The following MSRA variants were observed in gnomAD, a reference collection of about 807,000 sequenced individuals.
MSRA encodes mitochondrial peptide methionine sulfoxide reductase.
MSRA carries 54 observed loss-of-function variants against 31.3 expected under a neutral mutation model. The ratio of observed to expected loss-of-function variants is 1.73; its 90% confidence interval spans 1.39 to 2.17. MSRA has a LOEUF of 2.17. Ranked by LOEUF, MSRA falls within the 30% of genes most tolerant of loss-of-function variation. The pLI, the probability that MSRA is intolerant of heterozygous loss-of-function variation, is 0.00. For missense variants in MSRA, 507 were observed against 300.9 expected (o/e 1.69, Z -5.07); for synonymous variants, 169 against 116.5 (o/e 1.45, Z -2.90).
At chr8:10,413,639 A>G (rs1585723967) in intron 5 of MSRA, among the ~76,000 whole-genome samples, 1 of 147,524 alleles carries the variant, frequency 6.8e-6, no homozygotes, top group South Asian at 2.2e-4. Flanking sequence ...CAAATAAAGA[A>G]TATCAGTAAG....
At chr8:10,143,656 C>G (rs1403018296) in intron 1 of MSRA, among the ~76,000 whole-genome samples, 1 of 152,106 alleles carries the variant, frequency 6.6e-6, no homozygotes, top group Non-Finnish European at 1.5e-5. Context: ...GCAAGGAAAT[C>G]AGGGCTCCTT....
At chr8:10,407,281 C>A (rs1244667557) in intron 5 of MSRA, among the ~76,000 whole-genome samples, 1 of 152,220 alleles carries the variant, frequency 6.6e-6, no homozygotes, top group East Asian at 1.9e-4. Context: ...CACCATCAGA[C>A]TTTCATCAGC....
At chr8:10,137,627 T>G (rs1345928978) in intron 1 of MSRA, among the ~76,000 whole-genome samples, 1 of 152,062 alleles carries the variant, frequency 6.6e-6, no homozygotes, top group Non-Finnish European at 1.5e-5. Context: ...AATGCTGTGG[T>G]TTTCAAACTT....
intron 5 of MSRA, among the ~76,000 whole-genome samples, chr8:10,384,061 A>G (rs1806237520): frequency 6.6e-6 from 1 of 152,100 alleles, no homozygotes; most frequent in African/African-American, 2.4e-5. Flanking sequence ...GTGAAGCCAT[A>G]CAGTAAAATA....
chr8:10,089,712 C>G (rs1184560698), intron 1 of MSRA, among the ~76,000 whole-genome samples: 1 of 152,178 alleles, frequency 6.6e-6, no homozygotes, highest in Non-Finnish European at 1.5e-5. Flanking sequence ...CGGTGAGGAC[C>G]TTTGTGCTGC....
At chr8:10,259,619 AT>A (rs796344695) in intron 3 of MSRA, among the ~76,000 whole-genome samples, 52 of 152,170 alleles carry the variant, frequency 3.4e-4, no homozygotes, top group African/African-American at 1.2e-3. Context: ...TTTTCTGGAC[AT>A]TTGGGAAAGC....
intron 5 of MSRA, among the ~76,000 whole-genome samples, chr8:10,379,744 G>C (rs915091980): frequency 1.3e-5 from 2 of 152,202 alleles, no homozygotes; most frequent in African/African-American, 4.8e-5. Context: ...GGGATGGCCA[G>C]GCCTAGGGTA....
intron 1 of MSRA, among the ~76,000 whole-genome samples, chr8:10,153,539 A>G (rs894181884): frequency 6.6e-6 from 1 of 151,930 alleles, no homozygotes; most frequent in Middle Eastern, 3.2e-3. Flanking sequence ...CCATTTTAAG[A>G]CCGACAGTGG....
At chr8:10,168,126 A>G (rs745634706) in intron 1 of MSRA, among the ~76,000 whole-genome samples, 2 of 152,266 alleles carry the variant, frequency 1.3e-5, no homozygotes, top group Non-Finnish European at 1.5e-5. Flanking sequence ...TAGTTTTCCT[A>G]TCTGTAAAAT....
intron 1 of MSRA, among the ~76,000 whole-genome samples, chr8:10,086,021 T>G (rs979399174): frequency 1.3e-5 from 2 of 152,214 alleles, no homozygotes; most frequent in Non-Finnish European, 2.9e-5. Context: ...CTTCCATGAA[T>G]GTACAGGTCT....
At chr8:10,418,435 G>A (rs954994267) in intron 5 of MSRA, among the ~76,000 whole-genome samples, 22 of 152,244 alleles carry the variant, frequency 1.4e-4, no homozygotes, top group African/African-American at 4.8e-4. Context: ...TGTGCCTGGC[G>A]ACTGCTGGGG....
At chr8:10,263,781 A>T (rs1175420937) in intron 3 of MSRA, among the ~76,000 whole-genome samples, 7 of 151,506 alleles carry the variant, frequency 4.6e-5, no homozygotes, top group Admixed American at 4.6e-4. Flanking sequence ...ACCCATCTTT[A>T]GAGTGAGATC....
At chr8:10,317,204 C>A (rs1193434251) in intron 4 of MSRA, among the ~76,000 whole-genome samples, 1 of 152,180 alleles carries the variant, frequency 6.6e-6, no homozygotes, top group Non-Finnish European at 1.5e-5. Context: ...TCCTGATGTT[C>A]ACTGTCAGCC....
chr8:10,231,132 G>A (rs1811439782), intron 2 of MSRA, among the ~76,000 whole-genome samples: 1 of 152,154 alleles, frequency 6.6e-6, no homozygotes, highest in Non-Finnish European at 1.5e-5. Flanking sequence ...GAAAGTGCAT[G>A]AGATGGAGAC....
chr8:10,146,483 C>A (rs903941642), intron 1 of MSRA, among the ~76,000 whole-genome samples: 3 of 152,096 alleles, frequency 2.0e-5, no homozygotes, highest in African/African-American at 7.2e-5. Flanking sequence ...AATCCAGACA[C>A]AGGAAGCAGG....
At chr8:10,298,069 G>T (rs761552421) in intron 3 of MSRA, among the ~76,000 whole-genome samples, 1 of 152,140 alleles carries the variant, frequency 6.6e-6, no homozygotes, top group Non-Finnish European at 1.5e-5. Flanking sequence ...ATCCTCTTAC[G>T]TCCTCACTGT....
chr8:10,068,134 T>G (rs1183602355), intron 1 of MSRA, among the ~76,000 whole-genome samples: 1 of 152,144 alleles, frequency 6.6e-6, no homozygotes, highest in Non-Finnish European at 1.5e-5. Context: ...ACTGCCCGCC[T>G]TGGTCTCTCA....
At chr8:10,184,134 T>C (rs118061921) in intron 1 of MSRA, among the ~76,000 whole-genome samples, 3,687 of 151,856 alleles carry the variant, frequency 0.024, 63 homozygotes, top group South Asian at 0.051. Flanking sequence ...TTAGTGTTGA[T>C]AGTGATGGTG....
chr8:10,221,701 A>T (rs1388475100), intron 2 of MSRA, among the ~76,000 whole-genome samples: 1 of 152,216 alleles, frequency 6.6e-6, no homozygotes, highest in Admixed American at 6.5e-5. Flanking sequence ...ATGTCAGATT[A>T]TGATAAGTGC....
Sources: gnomAD v4.1 joint callset for allele counts (sites outside exome capture counted in the v4.1 genomes callset) on GRCh38, gnomAD v4.1.1 for gene constraint, MANE v1.5 for transcripts, NCBI Gene and HGNC (gene_info 2026-07-23, HGNC 2026-07-21) for gene names.